Variants in GLDC observed in about 807,000 individuals in gnomAD.
The protein encoded by GLDC is glycine dehydrogenase (decarboxylating), mitochondrial.
In GLDC, 104 loss-of-function variants were observed where a neutral mutation model predicts 121.3. That is an observed-to-expected ratio of 0.86 (90% CI 0.73 to 1.01). The LOEUF (loss-of-function observed/expected upper bound fraction) is 1.01. Among genes scored for constraint, GLDC ranks in the 50% least tolerant of loss-of-function variants. The pLI, the probability that GLDC is intolerant of heterozygous loss-of-function variation, is 0.00. For synonymous variants in GLDC, 546 were observed against 480.6 expected (o/e 1.14, Z -1.78); for missense variants, 1,429 against 1,306.6 (o/e 1.09, Z -1.44).
At chr9:6,642,972 C>G (rs1023969612) in intron 2 of GLDC, among the ~76,000 whole-genome samples, 1 of 151,736 alleles carries the variant, frequency 6.6e-6, no homozygotes, top group Non-Finnish European at 1.5e-5. Context: ...CATCTTGGCT[C>G]GCTGCAACCT....
chr9:6,548,667 G>A (rs1342967740), intron 21 of GLDC, among the ~76,000 whole-genome samples: 1 of 152,128 alleles, frequency 6.6e-6, no homozygotes, highest in Non-Finnish European at 1.5e-5. Flanking sequence ...CTTTGTTGCT[G>A]TTGCCCAGGT....
chr9:6,639,365 C>G (rs574485243), intron 2 of GLDC: 9 of 935,284 alleles, frequency 9.6e-6, no homozygotes, highest in Non-Finnish European at 1.4e-5. Flanking sequence ...GACCACTATG[C>G]TATCATCAAG....
At chr9:6,601,513 T>C (rs990363654) in intron 8 of GLDC, among the ~76,000 whole-genome samples, 4 of 151,882 alleles carry the variant, frequency 2.6e-5, no homozygotes, top group East Asian at 1.9e-4. Flanking sequence ...AAACAAATAA[T>C]GCTTTTTATT....
At chr9:6,645,219 G>T in intron 1 of GLDC, 26 bp downstream of exon 1, 1 of 1,561,248 alleles carries the variant, frequency 6.4e-7, no homozygotes, top group Admixed American at 1.8e-5. Context: ...AGGGGAGGCC[G>T]CGGAGGGCCG....
chr9:6,606,664 T>C lies in GLDC; in HGVS notation c.641A>G (p.Asn214Ser). ...AEALQLCYRH[N>S]KRRKFLVDPR... is the part of the protein sequence containing the mutation. ...ATCAACGAGAAATTTCCTCCTCTTG[T>C]TGTGTCTGTTGAAAAGAAAAAGCAC... Residue 214 changes from asparagine (N) to serine (S), a missense_variant, in exon 5 of 25, where the codon AAC (asparagine) becomes AGC (serine). Asn to Ser is a conservative substitution (Grantham distance 46). Transcript: ENST00000321612. 1 of 1,593,452 alleles carries C rather than the reference T, an allele frequency of 6.3e-7. No homozygotes were observed. Among genetic ancestry groups the C allele is most frequent in the South Asian group, 1.1e-5 (1 of 90,598 alleles).
intron 3 of GLDC, among the ~76,000 whole-genome samples, chr9:6,619,931 G>A (rs933208627): frequency 6.6e-6 from 1 of 152,216 alleles, no homozygotes; most frequent in Admixed American, 6.5e-5. Flanking sequence ...AAGAGGAAGA[G>A]ATGACCAGAT....
chr9:6,563,162 C>T (rs1169469925), intron 16 of GLDC, among the ~76,000 whole-genome samples: 2 of 152,244 alleles, frequency 1.3e-5, no homozygotes, highest in Non-Finnish European at 2.9e-5. Context: ...CACGGAAGAA[C>T]CCCGCCCAGG....
At chr9:6,636,168 A>G (rs2118656) in intron 2 of GLDC, among the ~76,000 whole-genome samples, 91,849 of 151,974 alleles carry the variant, frequency 0.6, 29,237 homozygotes, top group African/African-American at 0.79. Context: ...GCCAGGCGTG[A>G]TAGTTCATGC....
chr9:6,599,134 A>AGGTTC (rs1818548739), intron 8 of GLDC, among the ~76,000 whole-genome samples: 1 of 151,580 alleles, frequency 6.6e-6, no homozygotes, highest in Non-Finnish European at 1.5e-5. Context: ...CAGTGAGCCG[A>AGGTTC]CATCACGCCA....
chr9:6,536,059 C>T lies in GLDC; in HGVS notation c.2838+5G>A, dbSNP rs386833568. On this transcript the variant is annotated splice_donor_5th_base_variant and intron_variant, in intron 23 of 24. Transcript: ENST00000321612. ...ATTTCAAGCAATGTTCCAGGGCCTA[C>T]GCACCTTCAGCGGATTGACCCTGGG... 3.1e-6 allele frequency: 5 copies of T among 1,610,736 alleles called. No individual in the cohort carries two copies. Among genetic ancestry groups the T allele is most frequent in the East Asian group, 2.2e-5 (1 of 44,878 alleles).
intron 15 of GLDC, among the ~76,000 whole-genome samples, chr9:6,576,746 C>T (rs1001464246): frequency 4.6e-5 from 7 of 152,184 alleles, no homozygotes; most frequent in Non-Finnish European, 8.8e-5. Flanking sequence ...GGATTACAGG[C>T]GTGAACCACC....
rs1039062757 is a variant in GLDC at position 6,609,620 on chromosome 9, A to AC, written c.635+571dup. Among the ~76,000 whole-genome samples the AC allele has an allele frequency of 3.4e-4, 50 of 149,246 alleles. 1 individual carries two copies. Among genetic ancestry groups the AC allele is most frequent in the Middle Eastern group, 3.4e-3 (1 of 290 alleles). ...CCACACCTGCCCTTGAAACACCCTC[A>AC]CCCCCACCCCCAGCCACATCTATCC... On this transcript the variant is annotated intron_variant, in intron 4 of 24. Transcript: ENST00000321612.
intron 15 of GLDC, chr9:6,569,058 G>GA (rs1817903996): frequency 6.6e-6 from 1 of 152,102 alleles, no homozygotes; most frequent in East Asian, 1.9e-4. Context: ...CCCACAAGGT[G>GA]AAAACAGCTG....
At chr9:6,591,827 G>C in intron 11 of GLDC, 5 of 249,206 alleles carry the variant, frequency 2.0e-5, no homozygotes, top group South Asian at 5.3e-5. Context: ...CAGGTGATCT[G>C]CCCCCCCGCC....
intron 2 of GLDC, among the ~76,000 whole-genome samples, chr9:6,621,916 C>G (rs1819104103): frequency 6.6e-6 from 1 of 152,162 alleles, no homozygotes; most frequent in Non-Finnish European, 1.5e-5. Context: ...TGGGATTTAA[C>G]TACTTAGGCA....
chr9:6,585,138 G>A (rs1405895662), intron 15 of GLDC: 1 of 152,190 alleles, frequency 6.6e-6, no homozygotes, highest in Non-Finnish European at 1.5e-5. Context: ...GTCACCATGG[G>A]ATCTAATTCC....
chr9:6,604,162 G>A (rs1818682490), intron 7 of GLDC, among the ~76,000 whole-genome samples: 1 of 152,018 alleles, frequency 6.6e-6, no homozygotes, highest in South Asian at 2.1e-4. Context: ...TTACTCAAAT[G>A]GCCACGTGGC....
chr9:6,559,478 G>A (rs1459182797), intron 16 of GLDC, among the ~76,000 whole-genome samples: 1 of 134,632 alleles, frequency 7.4e-6, no homozygotes. Flanking sequence ...TTGCGCTATT[G>A]CACTCCAGCC....
At chr9:6,565,637 C>T in intron 15 of GLDC, 1 of 642,306 alleles carries the variant, frequency 1.6e-6, no homozygotes, top group South Asian at 1.8e-5. Context: ...CCAGTTTGTG[C>T]ACTACAGCTC....
Sources: gnomAD v4.1 joint callset for allele counts (sites outside exome capture counted in the v4.1 genomes callset) on GRCh38, gnomAD v4.1.1 for gene constraint, MANE v1.5 for transcripts, NCBI Gene and HGNC (gene_info 2026-07-23, HGNC 2026-07-21) for gene names.